The following SHISA6 variants were observed in gnomAD, a reference collection of about 807,000 sequenced individuals.
The protein encoded by SHISA6 is shisa family member 6.
Under a neutral mutation model 47.9 loss-of-function variants are expected in SHISA6, and 22 were observed. The observed-to-expected ratio is 0.46, with a 90% CI of 0.33 to 0.66. The LOEUF (loss-of-function observed/expected upper bound fraction) is 0.66. Among genes scored for constraint, SHISA6 ranks in the 30% least tolerant of loss-of-function variants. The pLI, the probability that SHISA6 is intolerant of heterozygous loss-of-function variation, is 0.02. For synonymous variants in SHISA6, 388 were observed against 337.8 expected (o/e 1.15, Z -1.63); for missense variants, 680 against 764.6 (o/e 0.89, Z 1.30).
rs537494148 is a variant in SHISA6, at chr17:11,252,027, G to A, written c.638+9967G>A. On this transcript the variant is annotated intron_variant, in intron 1 of 5. Coordinates refer to ENST00000441885, the MANE Select transcript of SHISA6 (RefSeq NM_207386.4). ...TGAAAATGTATCTCACTAGTCTTCC[G>A]CAGGAACCCAGCGTTCCCGCTCCCT... Among the ~76,000 whole-genome samples the A allele has an allele frequency of 2.6e-5, 4 of 152,222 alleles. 1 individual carries two copies. The highest frequency in any genetic ancestry group is 2.1e-4 in the South Asian group (1 of 4,810).
At chr17:11,249,283 C>CAT in intron 1 of SHISA6, among the ~76,000 whole-genome samples, 2 of 150,848 alleles carry the variant, frequency 1.3e-5, no homozygotes, top group South Asian at 2.1e-4. Flanking sequence ...ATCCAGTGGC[C>CAT]GTGTGTGTGT....
chr17:11,498,148 G>C (rs1597552200), intron 3 of SHISA6, among the ~76,000 whole-genome samples: 1 of 152,238 alleles, frequency 6.6e-6, no homozygotes, highest in South Asian at 2.1e-4. Context: ...GGAGATACTG[G>C]GGAAGCAGAG....
At chr17:11,370,201 T>G (rs1912590465) in intron 2 of SHISA6, among the ~76,000 whole-genome samples, 1 of 152,134 alleles carries the variant, frequency 6.6e-6, no homozygotes, top group South Asian at 2.1e-4. Context: ...CTGTGGCAAA[T>G]AGTTAGGATA....
chr17:11,515,596 T>A (rs1319621354), intron 3 of SHISA6, among the ~76,000 whole-genome samples: 4 of 152,058 alleles, frequency 2.6e-5, no homozygotes, highest in Non-Finnish European at 4.4e-5. Flanking sequence ...TCCTGCGTGA[T>A]CCTACGAAGA....
intron 1 of SHISA6, among the ~76,000 whole-genome samples, chr17:11,243,844 T>C (rs1222611376): frequency 6.6e-6 from 1 of 152,184 alleles, no homozygotes; most frequent in Non-Finnish European, 1.5e-5. Flanking sequence ...CCTACACATC[T>C]TTCTTTAAGT....
intron 3 of SHISA6, among the ~76,000 whole-genome samples, chr17:11,454,932 G>A (rs576364228): frequency 6.6e-6 from 1 of 152,248 alleles, no homozygotes; most frequent in East Asian, 1.9e-4. Context: ...CACTTTGGGA[G>A]GCCAAGGTGG....
chr17:11,248,944 C>G (rs1195402071), intron 1 of SHISA6, among the ~76,000 whole-genome samples: 1 of 152,058 alleles, frequency 6.6e-6, no homozygotes, highest in African/African-American at 2.4e-5. Context: ...TCGAGACCAT[C>G]CCGGCTAACA....
At chr17:11,435,902 T>C (rs1004406115) in intron 3 of SHISA6, among the ~76,000 whole-genome samples, 3 of 152,212 alleles carry the variant, frequency 2.0e-5, no homozygotes, top group African/African-American at 4.8e-5. Flanking sequence ...GGCTTTCTTT[T>C]TGTTTTTCCT....
chr17:11,409,525 G>T (rs548213830), intron 3 of SHISA6, among the ~76,000 whole-genome samples: 2 of 152,020 alleles, frequency 1.3e-5, no homozygotes, highest in South Asian at 4.2e-4. Flanking sequence ...CCAATATGGT[G>T]AAATCCTGTC....
rs114647586 is a variant in SHISA6, at chr17:11,381,902, G to A, written c.895+2393G>A. Among the ~76,000 whole-genome samples the A allele has an allele frequency of 3.8e-3, 579 of 152,154 alleles. 3 individuals carry two copies. Among genetic ancestry groups the A allele is most frequent in the African/African-American group, 0.013 (544 of 41,514 alleles). On this transcript the variant is annotated intron_variant, in intron 3 of 5. Transcript: ENST00000441885. Reference sequence around the variant, plus strand: ...CTATTTGTGCCATATTTTTCTCCCCGTTCCTTTCTCTACCAAGGCTTCTGA... The same window carrying A: ...CTATTTGTGCCATATTTTTCTCCCCATTCCTTTCTCTACCAAGGCTTCTGA...
intron 3 of SHISA6, among the ~76,000 whole-genome samples, chr17:11,423,208 TATA>T (rs1914496936): frequency 7.6e-6 from 1 of 131,276 alleles, no homozygotes; most frequent in Non-Finnish European, 1.6e-5. Context: ...CTGTGTAACA[TATA>T]TGTATGTGTG....
intron 2 of SHISA6, among the ~76,000 whole-genome samples, chr17:11,265,278 AT>A (rs1488745051): frequency 1.4e-5 from 2 of 142,880 alleles, no homozygotes; most frequent in Non-Finnish European, 3.0e-5. Context: ...GGATTCATTC[AT>A]TTTATGAGTG....
chr17:11,300,181 A>C (rs2142176637), intron 2 of SHISA6, among the ~76,000 whole-genome samples: 1 of 151,910 alleles, frequency 6.6e-6, no homozygotes, highest in East Asian at 1.9e-4. Context: ...ACAAGAAAAA[A>C]GAAAAAAAGA....
chr17:11,426,193 A>C (rs1914607252), intron 3 of SHISA6, among the ~76,000 whole-genome samples: 1 of 152,242 alleles, frequency 6.6e-6, no homozygotes, highest in Non-Finnish European at 1.5e-5. Flanking sequence ...CTTTTTCTTA[A>C]ATAGTGACAG....
At chr17:11,356,739 TA>T (rs1912091312) in intron 2 of SHISA6, among the ~76,000 whole-genome samples, 2 of 152,098 alleles carry the variant, frequency 1.3e-5, no homozygotes, top group South Asian at 4.2e-4. Context: ...GGTATCCCCT[TA>T]AGTTGCACAG....
intron 2 of SHISA6, among the ~76,000 whole-genome samples, chr17:11,356,908 T>A (rs1912095553): frequency 1.3e-5 from 2 of 151,986 alleles, no homozygotes; most frequent in African/African-American, 4.8e-5. Flanking sequence ...TGCTGTCCTA[T>A]AAGAAACAAA....
At chr17:11,302,988 G>T (rs1378435420) in intron 2 of SHISA6, among the ~76,000 whole-genome samples, 1 of 152,204 alleles carries the variant, frequency 6.6e-6, no homozygotes, top group Non-Finnish European at 1.5e-5. Context: ...GCTGTAGCAT[G>T]GGGTGTGGAG....
At chr17:11,277,272 T>TCA (rs1567558301) in intron 2 of SHISA6, among the ~76,000 whole-genome samples, 4 of 68,662 alleles carry the variant, frequency 5.8e-5, no homozygotes, top group Admixed American at 2.1e-4. Context: ...TCTCTCTCTC[T>TCA]CTCTCTCTCA....
intron 3 of SHISA6, among the ~76,000 whole-genome samples, chr17:11,525,238 T>A (rs1044822860): frequency 2.6e-5 from 4 of 152,126 alleles, no homozygotes; most frequent in African/African-American, 7.2e-5. Flanking sequence ...ATCTTCTCAG[T>A]TATACGATTC....
Sources: allele counts gnomAD v4.1 joint callset (sites outside exome capture counted in the v4.1 genomes callset), GRCh38; gene constraint gnomAD v4.1.1; transcripts MANE v1.5; gene names NCBI Gene and HGNC (gene_info 2026-07-23, HGNC 2026-07-21).